Variants in CAPZB observed in about 807,000 individuals in gnomAD.
CAPZB encodes the protein capping actin protein of muscle Z-line subunit beta.
Under a neutral mutation model 38.1 loss-of-function variants are expected in CAPZB, and 2 were observed. The observed-to-expected ratio is 0.05, with a 90% confidence interval of 0.02 to 0.17. CAPZB has a LOEUF of 0.17. CAPZB is among the 10% of genes least tolerant of loss of function. The probability of loss-of-function intolerance (pLI) is 1.00; values close to 1 mark genes in which losing one functional copy is unlikely to be tolerated. For synonymous variants in CAPZB, 107 were observed against 127.4 expected (o/e 0.84, Z 1.08); for missense variants, 161 against 334.2 (o/e 0.48, Z 4.04).
At chr1:19,347,575 A>G (rs1427382430) in intron 6 of CAPZB, among the ~76,000 whole-genome samples, 1 of 152,158 alleles carries the variant, frequency 6.6e-6, no homozygotes, top group Non-Finnish European at 1.5e-5. Context: ...CACTGCATAC[A>G]CTATGTGGCA....
chr1:19,342,219 G>A (rs1481112067), intron 8 of CAPZB, among the ~76,000 whole-genome samples: 1 of 152,252 alleles, frequency 6.6e-6, no homozygotes, highest in African/African-American at 2.4e-5. Context: ...AGCCAGGGTG[G>A]AGTCCAGCCC....
chr1:19,359,819 T>C (rs1330149182), intron 4 of CAPZB, among the ~76,000 whole-genome samples: 1 of 152,228 alleles, frequency 6.6e-6, no homozygotes, highest in Non-Finnish European at 1.5e-5. Flanking sequence ...AGCTCACTGC[T>C]GGCAGAGGTG....
At chr1:19,462,296 C>CA (rs34989207) in intron 1 of CAPZB, among the ~76,000 whole-genome samples, 63 of 148,318 alleles carry the variant, frequency 4.2e-4, no homozygotes, top group African/African-American at 7.7e-4. Context: ...ACTAAAAATA[C>CA]AAAAAAAAAA....
At chr1:19,396,818 T>A in intron 2 of CAPZB, among the ~76,000 whole-genome samples, 1 of 149,238 alleles carries the variant, frequency 6.7e-6, no homozygotes. Context: ...TTAGGCACTG[T>A]GGCGAGCACC....
chr1:19,438,919 C>T (rs2094466982), intron 1 of CAPZB, among the ~76,000 whole-genome samples: 1 of 152,208 alleles, frequency 6.6e-6, no homozygotes. Flanking sequence ...AGGAAAGTGG[C>T]TTAGATCATT....
At chr1:19,458,962 G>T (rs1039978120) in intron 1 of CAPZB, among the ~76,000 whole-genome samples, 1 of 152,222 alleles carries the variant, frequency 6.6e-6, no homozygotes, top group African/African-American at 2.4e-5. Context: ...AACATTCGAA[G>T]GGCAGAAACA....
At chr1:19,480,843 C>T (rs1295145275) in intron 1 of CAPZB, among the ~76,000 whole-genome samples, 3 of 152,296 alleles carry the variant, frequency 2.0e-5, no homozygotes, top group Middle Eastern at 3.4e-3. Flanking sequence ...AAGCAGCCAT[C>T]GGCAGGCAGT....
chr1:19,349,913 C>T (rs2093982678), intron 6 of CAPZB, among the ~76,000 whole-genome samples: 1 of 152,226 alleles, frequency 6.6e-6, no homozygotes, highest in South Asian at 2.1e-4. Flanking sequence ...GCAATACCAA[C>T]CCACCAAAAA....
intron 4 of CAPZB, among the ~76,000 whole-genome samples, chr1:19,376,702 C>T (rs1370081633): frequency 6.6e-6 from 1 of 152,206 alleles, no homozygotes. Flanking sequence ...TTCACTGGTC[C>T]ACTGTTTGTT....
At chr1:19,379,005 G>A (rs1334294221) in intron 3 of CAPZB, among the ~76,000 whole-genome samples, 1 of 152,022 alleles carries the variant, frequency 6.6e-6, no homozygotes, top group Non-Finnish European at 1.5e-5. Context: ...CAAGCGCCCA[G>A]CCCAGAGCTT....
intron 2 of CAPZB, among the ~76,000 whole-genome samples, chr1:19,389,425 G>A (rs10737476): frequency 0.64 from 97,191 of 151,714 alleles, 31,349 homozygotes; most frequent in African/African-American, 0.71. Flanking sequence ...TACATGGGTC[G>A]TGTGTTTTTT....
chr1:19,346,817 C>CTTTTTTTT (rs34733600), intron 6 of CAPZB, among the ~76,000 whole-genome samples: 8 of 84,096 alleles, frequency 9.5e-5, no homozygotes, highest in Non-Finnish European at 1.4e-4. Context: ...CGACTTTTGT[C>CTTTTTTTT]TTTTTTTTTT....
At chr1:19,452,849 G>A (rs1371127823) in intron 1 of CAPZB, among the ~76,000 whole-genome samples, 8 of 149,050 alleles carry the variant, frequency 5.4e-5, no homozygotes, top group Non-Finnish European at 1.2e-4. Context: ...TGTCGCCCAG[G>A]CTAGAATGCA....
intron 1 of CAPZB, among the ~76,000 whole-genome samples, chr1:19,433,661 A>G (rs2094449330): frequency 6.6e-6 from 1 of 152,222 alleles, no homozygotes; most frequent in African/African-American, 2.4e-5. Flanking sequence ...CAAATATTTT[A>G]TCTAGAAGGG....
At chr1:19,352,324 C>A in intron 6 of CAPZB, among the ~76,000 whole-genome samples, 1 of 152,220 alleles carries the variant, frequency 6.6e-6, no homozygotes, top group East Asian at 1.9e-4. Flanking sequence ...TAGCCAATGA[C>A]CTGCCTGATC....
At chr1:19,399,449 T>C (rs1419839040) in intron 2 of CAPZB, among the ~76,000 whole-genome samples, 2 of 152,188 alleles carry the variant, frequency 1.3e-5, no homozygotes, top group African/African-American at 2.4e-5. Context: ...CTCTCAGTCG[T>C]AGCTGTTTGA....
chr1:19,462,312 G>C (rs1045333912), intron 1 of CAPZB, among the ~76,000 whole-genome samples: 5 of 150,368 alleles, frequency 3.3e-5, no homozygotes, highest in African/African-American at 9.8e-5. Flanking sequence ...AAAAAAATTA[G>C]CCAGGCGTGG....
intron 2 of CAPZB, among the ~76,000 whole-genome samples, chr1:19,410,096 C>G (rs2094350860): frequency 6.6e-6 from 1 of 152,214 alleles, no homozygotes; most frequent in Non-Finnish European, 1.5e-5. Flanking sequence ...ATTACTGAGT[C>G]TGTTTCTGAG....
intron 2 of CAPZB, among the ~76,000 whole-genome samples, chr1:19,400,417 C>T (rs1158409088): frequency 2.0e-5 from 3 of 152,152 alleles, no homozygotes; most frequent in Non-Finnish European, 4.4e-5. Context: ...CGTGCCATGC[C>T]CTCCTCAAGT....
Sources: allele counts gnomAD v4.1 joint callset (sites outside exome capture counted in the v4.1 genomes callset), GRCh38; gene constraint gnomAD v4.1.1; transcripts MANE v1.5; gene names NCBI Gene and HGNC (gene_info 2026-07-23, HGNC 2026-07-21).